Variants in GFOD1 observed in about 807,000 individuals in gnomAD.
The protein encoded by GFOD1 is glucose-fructose oxidoreductase domain-containing protein 1.
A neutral mutation model predicts 25.4 loss-of-function variants in GFOD1; 9 were observed. The ratio of observed to expected loss-of-function variants is 0.35; its 90% confidence interval spans 0.21 to 0.62. The LOEUF (loss-of-function observed/expected upper bound fraction) is 0.62, where lower values mean the gene tolerates loss of function less well. GFOD1 is among the 20% of genes least tolerant of loss of function. The pLI, the probability that GFOD1 is intolerant of heterozygous loss-of-function variation, is 0.72. For missense variants in GFOD1, 403 were observed against 556.9 expected (o/e 0.72, Z 2.78); for synonymous variants, 253 against 245.6 (o/e 1.03, Z -0.28).
intron 1 of GFOD1, among the ~76,000 whole-genome samples, chr6:13,408,683 AAC>A (rs1426696357): frequency 1.3e-5 from 2 of 152,324 alleles, no homozygotes; most frequent in Non-Finnish European, 2.9e-5. Flanking sequence ...TCACCCGGGT[AAC>A]ACAGCTTTGT....
chr6:13,429,571 G>A (rs970120054), intron 1 of GFOD1, among the ~76,000 whole-genome samples: 27 of 152,200 alleles, frequency 1.8e-4, no homozygotes, highest in Admixed American at 3.3e-4. Flanking sequence ...GGCCAGAAAC[G>A]TAGTCAGGTA....
intron 1 of GFOD1, among the ~76,000 whole-genome samples, chr6:13,383,909 A>G (rs1270279057): frequency 6.6e-6 from 1 of 152,206 alleles, no homozygotes; most frequent in Non-Finnish European, 1.5e-5. Flanking sequence ...TTTTAACACC[A>G]TTAACACTGT....
chr6:13,437,483 A>G (rs1757851842), intron 1 of GFOD1, among the ~76,000 whole-genome samples: 2 of 152,216 alleles, frequency 1.3e-5, no homozygotes, highest in South Asian at 4.1e-4. Context: ...AGGACTTGAA[A>G]TGTGGTTAGT....
At chr6:13,468,435 G>T (rs112668356) in intron 1 of GFOD1, among the ~76,000 whole-genome samples, 39 of 152,218 alleles carry the variant, frequency 2.6e-4, no homozygotes, top group African/African-American at 7.5e-4. Context: ...CACAAATAAG[G>T]CTTCACTGAA....
Position 13,430,941 on chromosome 6 carries a change from A to G in GFOD1, c.253+55697T>C, listed in dbSNP as rs1395341782. Among the ~76,000 whole-genome samples, 1 of 152,210 alleles carries G rather than the reference A, an allele frequency of 6.6e-6. No homozygotes were observed. Among genetic ancestry groups the G allele is most frequent in the Non-Finnish European group, 1.5e-5 (1 of 68,040 alleles). ...TCCAGCCATCATACGAATGCCTTAT[A>G]TGTGCTTCATCTCATTTGATATTCA... On this transcript the variant is annotated intron_variant, in intron 1 of 1. Transcript: ENST00000379287. This position sits in a 1 kb window ranked among gnomAD's most constrained non-coding sequence, Gnocchi z 4.1.
At chr6:13,410,225 G>A (rs1314212201) in intron 1 of GFOD1, among the ~76,000 whole-genome samples, 1 of 152,090 alleles carries the variant, frequency 6.6e-6, no homozygotes, top group Non-Finnish European at 1.5e-5. Flanking sequence ...CAGCTGGCTT[G>A]CTCCTGTGTT....
chr6:13,379,854 G>T (rs1292662484), intron 1 of GFOD1, among the ~76,000 whole-genome samples: 1 of 152,174 alleles, frequency 6.6e-6, no homozygotes, highest in African/African-American at 2.4e-5. Flanking sequence ...GATCTAGTGT[G>T]ATTTGTCAGA....
chr6:13,394,466 ATTTTTTTTTTTT>A (rs70989855), intron 1 of GFOD1, among the ~76,000 whole-genome samples: 2 of 75,924 alleles, frequency 2.6e-5, no homozygotes, highest in African/African-American at 1.1e-4. Flanking sequence ...TACCCTTTGA[ATTTTTTTTTTTT>A]TTTTTTTTTT....
chr6:13,418,074 T>C (rs1242966856), intron 1 of GFOD1, among the ~76,000 whole-genome samples: 1 of 152,218 alleles, frequency 6.6e-6, no homozygotes, highest in Non-Finnish European at 1.5e-5. Context: ...CTGGAAAGAA[T>C]GTGTTAACTT....
At chr6:13,373,926 C>T (rs1033564533) in intron 1 of GFOD1, among the ~76,000 whole-genome samples, 2 of 152,142 alleles carry the variant, frequency 1.3e-5, no homozygotes, top group East Asian at 1.9e-4. Context: ...GATTTTCAAT[C>T]CCCATGAAAG....
chr6:13,430,755 G>A lies in GFOD1; in HGVS notation c.253+55883C>T, dbSNP rs1292908714. On this transcript the variant is annotated intron_variant, in intron 1 of 1. Coordinates refer to ENST00000379287, the MANE Select transcript of GFOD1 (RefSeq NM_018988.4). The surrounding 1 kb of genome is among the most constrained non-coding windows in gnomAD (Gnocchi z 4.1). The stretch of plus-strand genomic sequence containing the variant: ...CAGTGGAAACCAGGGCTATCTGTGG[G>A]TCTTGGGTGGTCTGCCCTACTCCCT... Among the ~76,000 whole-genome samples, 1 of 152,106 alleles carries A rather than the reference G, an allele frequency of 6.6e-6. No individual in the cohort carries two copies. Among genetic ancestry groups the A allele is most frequent in the Non-Finnish European group, 1.5e-5 (1 of 68,014 alleles).
Position 13,365,714 on chromosome 6 carries a change from C to G in GFOD1, c.254-52G>C, listed in dbSNP as rs767301230. 7.9e-7 allele frequency: 1 copy of G among 1,262,146 alleles called. No homozygotes were observed. Among genetic ancestry groups the G allele is most frequent in the Non-Finnish European group, 1.1e-6 (1 of 887,210 alleles). The allele number at this position is 1,262,146 out of a possible 1,614,324, so 78.2% of individuals were successfully genotyped here. The stretch of plus-strand genomic sequence containing the variant: ...AGCGGGGCAGGACCATGTCCGAGCG[C>G]GCGTCCCTGGGTCAGATCTTAAAAT... On this transcript the variant is annotated intron_variant, in intron 1 of 1. Coordinates refer to ENST00000379287, the MANE Select transcript of GFOD1 (RefSeq NM_018988.4). This position sits in a 1 kb window ranked among gnomAD's most constrained non-coding sequence, Gnocchi z 9.2.
rs1045511251 is a variant in GFOD1, at chr6:13,430,385, C to T, written c.253+56253G>A. ...CTGGGAGGCAGAGGTTGCAGTGATC[C>T]GAGATCACACCACTGCACTCCAGCC... is the stretch of plus-strand genomic sequence containing the variant. On this transcript the variant is annotated intron_variant, in intron 1 of 1. Transcript: ENST00000379287. The surrounding 1 kb of genome is among the most constrained non-coding windows in gnomAD (Gnocchi z 4.1). 5.3e-5 allele frequency among the ~76,000 whole-genome samples: 8 copies of T among 151,928 alleles called. No homozygotes were observed. The highest frequency in any genetic ancestry group is 2.1e-4 in the South Asian group (1 of 4,792).
At chr6:13,428,255 G>A (rs1039704657) in intron 1 of GFOD1, among the ~76,000 whole-genome samples, 1 of 152,122 alleles carries the variant, frequency 6.6e-6, no homozygotes, top group East Asian at 1.9e-4. Context: ...GTTCCTTTAC[G>A]TGCCTCTCAA....
At chr6:13,446,892 C>CT in intron 1 of GFOD1, among the ~76,000 whole-genome samples, 1 of 152,358 alleles carries the variant, frequency 6.6e-6, no homozygotes, top group South Asian at 2.1e-4. Context: ...TGCCCATCTT[C>CT]TAGGTGTCCA....
At chr6:13,409,173 G>GAA (rs1562209530) in intron 1 of GFOD1, among the ~76,000 whole-genome samples, 1 of 48,794 alleles carries the variant, frequency 2.0e-5, no homozygotes, top group South Asian at 1.0e-3. Context: ...AAAGGAAAGA[G>GAA]AGAGAGAGAG....
At chr6:13,380,446 A>G (rs1263327310) in intron 1 of GFOD1, among the ~76,000 whole-genome samples, 1 of 152,182 alleles carries the variant, frequency 6.6e-6, no homozygotes, top group Non-Finnish European at 1.5e-5. Flanking sequence ...ATGAATGAAA[A>G]CAAAATGCAA....
intron 1 of GFOD1, among the ~76,000 whole-genome samples, chr6:13,441,830 T>G (rs540532019): frequency 6.6e-6 from 1 of 152,302 alleles, no homozygotes; most frequent in African/African-American, 2.4e-5. Context: ...TAAGAAAGAT[T>G]AACAAAAACA....
At chr6:13,465,717 G>A (rs1019218626) in intron 1 of GFOD1, among the ~76,000 whole-genome samples, 3 of 152,180 alleles carry the variant, frequency 2.0e-5, no homozygotes, top group Non-Finnish European at 2.9e-5. Context: ...CTTAGAAGGA[G>A]AATTGAGCCC....
Sources: allele counts gnomAD v4.1 joint callset (sites outside exome capture counted in the v4.1 genomes callset), GRCh38; gene constraint gnomAD v4.1.1; non-coding constraint Gnocchi (gnomAD v3.1); transcripts MANE v1.5; gene names NCBI Gene and HGNC (gene_info 2026-07-23, HGNC 2026-07-21).